Variants in XXYLT1 observed in about 807,000 individuals in gnomAD.
The protein encoded by XXYLT1 is UDP-xylose:alpha-xyloside alpha-1,3-xylosyltransferase.
Under a neutral mutation model 28.9 loss-of-function variants are expected in XXYLT1, and 20 were observed. That is an observed-to-expected ratio of 0.69 (90% confidence interval 0.49 to 1.00). The LOEUF is 1.00. XXYLT1 is among the 50% of genes least tolerant of loss of function. The pLI, the probability that XXYLT1 is intolerant of heterozygous loss-of-function variation, is 0.00. For synonymous variants in XXYLT1, 257 were observed against 253.8 expected (o/e 1.01, Z -0.12); for missense variants, 542 against 560.1 (o/e 0.97, Z 0.33).
In XXYLT1 at chr3:195,115,420, C is replaced by G. The variant is rs1717991657; in HGVS notation, c.785+41029G>C. ...AGCTGCTTCTGAACTAGCCAGGAGT[C>G]CTTCAAAAGGCCCAGCCGGAAACCT... is the stretch of plus-strand genomic sequence containing the variant. On this transcript the variant is annotated intron_variant, in intron 3 of 3. Transcript: ENST00000310380. The surrounding 1 kb of genome is among the most constrained non-coding windows in gnomAD (Gnocchi z 4.2). 6.6e-6 allele frequency among the ~76,000 whole-genome samples: 1 copy of G among 152,192 alleles called. No homozygotes were observed. The highest frequency in any genetic ancestry group is 1.5e-5 in the Non-Finnish European group (1 of 68,032).
rs937933207 is a variant in XXYLT1 at position 195,209,720 on chromosome 3, G to T, written c.652+16989C>A. The T allele has an allele frequency of 3.3e-5, 5 of 152,856 alleles. No homozygotes were observed. The highest frequency in any genetic ancestry group is 7.3e-5 in the Non-Finnish European group (5 of 68,576). 9.5% of individuals were successfully genotyped at this position (152,856 alleles called of 1,614,324 possible). A position where few individuals can be genotyped will look rare whatever the true frequency, so the allele number is the denominator to read the frequency against. ...GCAGGAACGCTGACCAGGAAAACCC[G>T]CCAGGCAAGGGGAGGCCGGGCCCAC... On this transcript the variant is annotated intron_variant, in intron 2 of 3. Coordinates refer to ENST00000310380, the MANE Select transcript of XXYLT1 (RefSeq NM_152531.5). The surrounding 1 kb of genome is among the most constrained non-coding windows in gnomAD (Gnocchi z 5.0).
chr3:195,127,990 T>TC (rs1718721212), intron 3 of XXYLT1, among the ~76,000 whole-genome samples: 1 of 152,104 alleles, frequency 6.6e-6, no homozygotes, highest in African/African-American at 2.4e-5. Context: ...AACATCCGTC[T>TC]CCTCATACAG....
intron 3 of XXYLT1, among the ~76,000 whole-genome samples, chr3:195,110,876 G>GTT (rs1717664158): frequency 3.6e-5 from 3 of 82,844 alleles, no homozygotes; most frequent in Admixed American, 1.3e-4. Flanking sequence ...TGTGGTGTGT[G>GTT]GTGTATGTGT....
At chr3:195,222,140 G>A (rs1207590349) in intron 2 of XXYLT1, among the ~76,000 whole-genome samples, 1 of 152,244 alleles carries the variant, frequency 6.6e-6, no homozygotes, top group Non-Finnish European at 1.5e-5. Context: ...AGACAGGCAA[G>A]GATGCCAAGT....
At chr3:195,197,116 T>G (rs771677718) in intron 2 of XXYLT1, among the ~76,000 whole-genome samples, 1 of 152,184 alleles carries the variant, frequency 6.6e-6, no homozygotes, top group Non-Finnish European at 1.5e-5. Context: ...GCAGCTAGTC[T>G]CCATTTTCCT....
intron 3 of XXYLT1, 112 bp downstream of exon 3, chr3:195,156,337 A>G: frequency 6.6e-7 from 1 of 1,504,336 alleles, no homozygotes; most frequent in Non-Finnish European, 8.9e-7. Context: ...CAAGATACTA[A>G]GTGCAGAAGG....
intron 2 of XXYLT1, among the ~76,000 whole-genome samples, chr3:195,216,370 G>C (rs1723573071): frequency 2.0e-5 from 3 of 147,692 alleles, no homozygotes; most frequent in Non-Finnish European, 4.5e-5. Flanking sequence ...AATGAATCCA[G>C]GAGCTGGTTT....
chr3:195,154,740 CA>C, intron 3 of XXYLT1, among the ~76,000 whole-genome samples: 1 of 152,332 alleles, frequency 6.6e-6, no homozygotes, highest in South Asian at 2.1e-4. Flanking sequence ...GGCCCTCTCC[CA>C]AGTGTACTTT....
intron 2 of XXYLT1, among the ~76,000 whole-genome samples, chr3:195,186,002 G>A (rs781407967): frequency 6.6e-6 from 1 of 152,034 alleles, no homozygotes; most frequent in South Asian, 2.1e-4. Flanking sequence ...CACCTACCAC[G>A]AGCTCTCAAC....
intron 3 of XXYLT1, among the ~76,000 whole-genome samples, chr3:195,088,146 A>T (rs1560087669): frequency 6.8e-6 from 1 of 146,180 alleles, no homozygotes; most frequent in Non-Finnish European, 1.5e-5. Context: ...TTAGGTAAAC[A>T]AAGCAGCCGG....
chr3:195,077,288 C>A lies in XXYLT1; in HGVS notation c.786-7177G>T, dbSNP rs2108642798. ...AGAGATGTCCAAAAGCTCCCCCTTGCAACATCTCCTGCAATCTCAACCCAG... is the reference window on the plus strand; with the variant it reads ...AGAGATGTCCAAAAGCTCCCCCTTGAAACATCTCCTGCAATCTCAACCCAG... On this transcript the variant is annotated intron_variant, in intron 3 of 3. Coordinates refer to ENST00000310380, the MANE Select transcript of XXYLT1 (RefSeq NM_152531.5). This position sits in a 1 kb window ranked among gnomAD's most constrained non-coding sequence, Gnocchi z 4.8. Among the ~76,000 whole-genome samples the A allele has an allele frequency of 6.6e-6, 1 of 152,304 alleles. No homozygotes were observed. Among genetic ancestry groups the A allele is most frequent in the Admixed American group, 6.5e-5 (1 of 15,308 alleles).
At chr3:195,120,282 A>T (rs1282575339) in intron 3 of XXYLT1, among the ~76,000 whole-genome samples, 1 of 83,778 alleles carries the variant, frequency 1.2e-5, no homozygotes. Flanking sequence ...TGCTGCTCAG[A>T]TGCCCCCCCC....
At chr3:195,196,105 T>C (rs1407236626) in intron 2 of XXYLT1, among the ~76,000 whole-genome samples, 1 of 152,208 alleles carries the variant, frequency 6.6e-6, no homozygotes, top group South Asian at 2.1e-4. Flanking sequence ...CTGTGCCTGA[T>C]GGAAACGCTC....
chr3:195,090,465 T>G (rs968753756), intron 3 of XXYLT1, among the ~76,000 whole-genome samples: 1 of 149,756 alleles, frequency 6.7e-6, no homozygotes, highest in African/African-American at 2.5e-5. Flanking sequence ...AATAAAGATG[T>G]TCTTTGAAAC....
chr3:195,242,467 C>T (rs1361064810), intron 1 of XXYLT1, among the ~76,000 whole-genome samples: 3 of 152,054 alleles, frequency 2.0e-5, no homozygotes, highest in Non-Finnish European at 4.4e-5. Context: ...CTTGGTCTTG[C>T]GCCAACAGGA....
chr3:195,069,718 G>T lies in XXYLT1; in HGVS notation c.1179C>A (p.Asp393Glu). The change falls in exon 4 of 4, where the codon GAC becomes GAA. Residue 393 changes from aspartate (D) to glutamate (E), a missense_variant. Asp to Glu is a conservative substitution (Grantham distance 45, BLOSUM62 2). Coordinates refer to ENST00000310380, the MANE Select transcript of XXYLT1 (RefSeq NM_152531.5). ...HGNCNTPIPE[D>E] is the part of the protein sequence containing the mutation. ...GGGGGCAAGGCACGGGGAGCGCCTA[G>T]TCCTCCGGGATGGGAGTGTTGCAGT... is the stretch of plus-strand genomic sequence containing the variant. The T allele has an allele frequency of 6.2e-7, 1 of 1,611,032 alleles. No individual in the cohort carries two copies. Among genetic ancestry groups the T allele is most frequent in the Non-Finnish European group, 8.5e-7 (1 of 1,178,956 alleles).
chr3:195,243,678 T>C (rs1255184505), intron 1 of XXYLT1, among the ~76,000 whole-genome samples: 2 of 152,156 alleles, frequency 1.3e-5, no homozygotes, highest in Non-Finnish European at 2.9e-5. Context: ...ACCAATAACT[T>C]GAGCTCACTT....
At chr3:195,158,404 A>G (rs1409042412) in intron 2 of XXYLT1, among the ~76,000 whole-genome samples, 1 of 152,222 alleles carries the variant, frequency 6.6e-6, no homozygotes, top group Non-Finnish European at 1.5e-5. Context: ...CTGGATGAGC[A>G]TCTTCATCTT....
At chr3:195,192,676 C>T (rs1560144876) in intron 2 of XXYLT1, among the ~76,000 whole-genome samples, 1 of 152,196 alleles carries the variant, frequency 6.6e-6, no homozygotes, top group Admixed American at 6.5e-5. Context: ...TTGTGAGAGA[C>T]TGAATCCTTT....
Sources: gnomAD v4.1 joint callset for allele counts (sites outside exome capture counted in the v4.1 genomes callset) on GRCh38, gnomAD v4.1.1 for gene constraint, Gnocchi (gnomAD v3.1) non-coding constraint, MANE v1.5 for transcripts, NCBI Gene and HGNC (gene_info 2026-07-23, HGNC 2026-07-21) for gene names.